Variants in GBE1 observed in about 807,000 individuals in gnomAD.
GBE1 encodes the protein 1,4-alpha-glucan branching enzyme 1.
A neutral mutation model predicts 88.8 loss-of-function variants in GBE1; 70 were observed. The observed-to-expected ratio is 0.79, with a 90% CI of 0.65 to 0.96. The LOEUF is 0.96. Ranked by LOEUF, GBE1 falls within the 40% of genes least tolerant of loss-of-function variation. The pLI is 0.00. For missense variants in GBE1, 872 were observed against 871.0 expected, an observed-to-expected ratio of 1.00 and a Z score of -0.01; for synonymous variants, 284 against 300.1, an observed-to-expected ratio of 0.95 and a Z score of 0.56.
chr3:81,737,924 C>G (rs1418361825), intron 1 of GBE1, among the ~76,000 whole-genome samples: 5 of 151,974 alleles, frequency 3.3e-5, no homozygotes. Context: ...CAAAACAGTC[C>G]CCAGAGTGTG....
intron 7 of GBE1, among the ~76,000 whole-genome samples, chr3:81,611,116 T>C (rs1000074752): frequency 1.3e-5 from 2 of 152,240 alleles, no homozygotes; most frequent in Non-Finnish European, 2.9e-5. Context: ...GTATACAAAT[T>C]ATTTATAGGA....
chr3:81,760,436 C>A (rs376316307), intron 1 of GBE1, among the ~76,000 whole-genome samples: 23 of 152,302 alleles, frequency 1.5e-4, no homozygotes, highest in African/African-American at 3.4e-4. Context: ...TTTTCCATCA[C>A]TCGAAAAATT....
At chr3:81,566,950 T>C (rs1367832516) in intron 12 of GBE1, among the ~76,000 whole-genome samples, 1 of 152,190 alleles carries the variant, frequency 6.6e-6, no homozygotes, top group Non-Finnish European at 1.5e-5. Context: ...CATGTTCTTA[T>C]ATTTCATAAG....
intron 14 of GBE1, among the ~76,000 whole-genome samples, chr3:81,517,627 T>C (rs1702814181): frequency 7.5e-6 from 1 of 134,090 alleles, no homozygotes; most frequent in South Asian, 2.2e-4. Context: ...GTAGATCTTA[T>C]TATGAAGATC....
At chr3:81,575,848 T>C (rs1176842415) in intron 12 of GBE1, among the ~76,000 whole-genome samples, 1 of 152,180 alleles carries the variant, frequency 6.6e-6, no homozygotes, top group Non-Finnish European at 1.5e-5. Context: ...CAAAGGAATA[T>C]TCTTTAATAC....
chr3:81,648,553 G>T (rs1351207956), intron 5 of GBE1, among the ~76,000 whole-genome samples: 2 of 151,800 alleles, frequency 1.3e-5, no homozygotes, highest in African/African-American at 4.8e-5. Context: ...AATTGATAAA[G>T]GTTTCCTCCA....
At chr3:81,500,036 A>G (rs908237455) in intron 14 of GBE1, among the ~76,000 whole-genome samples, 10 of 152,204 alleles carry the variant, frequency 6.6e-5, no homozygotes, top group African/African-American at 2.4e-4. Flanking sequence ...AAATGTTAGT[A>G]TATTATCATT....
intron 12 of GBE1, among the ~76,000 whole-genome samples, chr3:81,573,569 A>G (rs1194221644): frequency 2.6e-5 from 4 of 152,202 alleles, no homozygotes; most frequent in African/African-American, 9.6e-5. Flanking sequence ...ACTATTTTTC[A>G]TCTCTGAATA....
intron 7 of GBE1, among the ~76,000 whole-genome samples, chr3:81,626,304 C>T (rs998642151): frequency 5.9e-5 from 9 of 152,166 alleles, no homozygotes; most frequent in East Asian, 1.9e-4. Flanking sequence ...AAAAGTAAAA[C>T]GACCATTAAC....
intron 14 of GBE1, among the ~76,000 whole-genome samples, chr3:81,528,206 G>C (rs1350992328): frequency 2.0e-5 from 3 of 146,454 alleles, no homozygotes; most frequent in African/African-American, 7.7e-5. Flanking sequence ...ATCACACAGT[G>C]GGGCCTGTTG....
intron 7 of GBE1, chr3:81,612,305 C>A: frequency 1.2e-6 from 1 of 807,280 alleles, no homozygotes; most frequent in African/African-American, 1.8e-5. Flanking sequence ...CTGCGTTTGA[C>A]TTTAATGTTT....
chr3:81,685,817 A>G (rs955220650), intron 2 of GBE1, among the ~76,000 whole-genome samples: 2 of 152,352 alleles, frequency 1.3e-5, no homozygotes, highest in South Asian at 2.1e-4. Context: ...ATTAACAACA[A>G]TGAAGAAAAC....
chr3:81,579,182 T>A (rs2106935525), intron 11 of GBE1, among the ~76,000 whole-genome samples: 1 of 152,176 alleles, frequency 6.6e-6, no homozygotes. Flanking sequence ...TAAGTTAAGT[T>A]TACAAATTTA....
chr3:81,753,501 T>G (rs1706560312), intron 1 of GBE1, among the ~76,000 whole-genome samples: 1 of 152,220 alleles, frequency 6.6e-6, no homozygotes, highest in Non-Finnish European at 1.5e-5. Flanking sequence ...CTATAGCATA[T>G]TTCACAGAGA....
At chr3:81,710,647 A>G (rs1212219530) in intron 1 of GBE1, among the ~76,000 whole-genome samples, 1 of 152,110 alleles carries the variant, frequency 6.6e-6, no homozygotes, top group African/African-American at 2.4e-5. Flanking sequence ...TAAGGAATCA[A>G]TGAAACAGCA....
intron 1 of GBE1, among the ~76,000 whole-genome samples, chr3:81,720,942 A>G (rs546390485): frequency 5.2e-5 from 7 of 134,380 alleles, no homozygotes; most frequent in African/African-American, 2.0e-4. Context: ...TCAGTAAACT[A>G]TCGCAAGAAC....
chr3:81,605,455 GTGC>G (rs764247570), intron 7 of GBE1, among the ~76,000 whole-genome samples: 1 of 152,076 alleles, frequency 6.6e-6, no homozygotes, highest in Non-Finnish European at 1.5e-5. Flanking sequence ...TCAAGCTTGG[GTGC>G]TTTACCTCTA....
chr3:81,732,156 T>C (rs1463858595), intron 1 of GBE1, among the ~76,000 whole-genome samples: 2 of 152,080 alleles, frequency 1.3e-5, no homozygotes, highest in Non-Finnish European at 2.9e-5. Flanking sequence ...AGTTGTTAAA[T>C]CAACGAATAT....
chr3:81,618,698 A>T (rs1009130700), intron 7 of GBE1, among the ~76,000 whole-genome samples: 3 of 152,210 alleles, frequency 2.0e-5, no homozygotes, highest in Non-Finnish European at 2.9e-5. Context: ...CCTATCCTGA[A>T]TCTCCCTTTG....
Sources: gnomAD v4.1 joint callset for allele counts (sites outside exome capture counted in the v4.1 genomes callset) on GRCh38, gnomAD v4.1.1 for gene constraint, MANE v1.5 for transcripts, NCBI Gene and HGNC (gene_info 2026-07-23, HGNC 2026-07-21) for gene names.